CLEC20A: variants seen among roughly 807,000 people sequenced by gnomAD.
The protein encoded by CLEC20A is putative C-type lectin domain family 20 member A.
At chr1:178,489,164 A>C (rs927693652) in intron 4 of CLEC20A, among the ~76,000 whole-genome samples, 21 of 152,266 alleles carry the variant, frequency 1.4e-4, no homozygotes, top group African/African-American at 3.9e-4. Context: ...GGAGTTCAAG[A>C]CCAGCCTGGC....
upstream of CLEC20A, among the ~76,000 whole-genome samples, chr1:178,498,677 CT>C (rs934216546): frequency 6.6e-6 from 1 of 152,158 alleles, no homozygotes; most frequent in African/African-American, 2.4e-5. Flanking sequence ...AAACAGCTTG[CT>C]TGTGTTCTCT....
chr1:178,492,038 C>A (rs146013735), intron 3 of CLEC20A, among the ~76,000 whole-genome samples: 2 of 152,132 alleles, frequency 1.3e-5, no homozygotes, highest in Admixed American at 6.5e-5. Context: ...AATCCCAGCA[C>A]TTTGGGAGGC....
At chr1:178,481,486 T>C (rs1648984280) in intron 7 of CLEC20A, 1 of 152,234 alleles carries the variant, frequency 6.6e-6, no homozygotes, top group Non-Finnish European at 1.5e-5. Flanking sequence ...TATTATCTGA[T>C]ATAATTGAGA....
At chr1:178,495,683 A>AGAAG (rs1339615904) in intron 1 of CLEC20A, among the ~76,000 whole-genome samples, 1 of 152,202 alleles carries the variant, frequency 6.6e-6, no homozygotes, top group African/African-American at 2.4e-5. Context: ...AGGGAAGGAA[A>AGAAG]GAAGGAAGGA....
intron 5 of CLEC20A, among the ~76,000 whole-genome samples, chr1:178,488,207 G>T (rs1413673167): frequency 3.3e-5 from 5 of 152,168 alleles, no homozygotes; most frequent in African/African-American, 9.7e-5. Context: ...GAGACCGTAC[G>T]GCCTCTCCTG....
chr1:178,497,600 C>T (rs1649430438), upstream of CLEC20A, among the ~76,000 whole-genome samples: 2 of 152,224 alleles, frequency 1.3e-5, no homozygotes, highest in African/African-American at 4.8e-5. Context: ...ACACAGCTGC[C>T]CACACTTTGT....
At chr1:178,486,567 T>G (rs1478265947) in intron 5 of CLEC20A, 1 of 398,566 alleles carries the variant, frequency 2.5e-6, no homozygotes, top group African/African-American at 2.1e-5. Context: ...AGATGCTTTC[T>G]TTGGTCCCCA....
chr1:178,482,136 G>A (rs1439901825), intron 7 of CLEC20A, 176 bp downstream of exon 7: 8 of 388,154 alleles, frequency 2.1e-5, no homozygotes, highest in Admixed American at 1.8e-4. Flanking sequence ...GGTAAGAAAA[G>A]ATCCAAAAAG....
At chr1:178,488,712 C>G (rs1401625922) in intron 4 of CLEC20A, 113 bp from the exon 5 acceptor site, 1 of 397,256 alleles carries the variant, frequency 2.5e-6, no homozygotes, top group Admixed American at 4.4e-5. Context: ...TAGCCAAACT[C>G]AGGAGGGCGC....
chr1:178,487,013 A>G (rs1026037058), intron 5 of CLEC20A: 1 of 393,528 alleles, frequency 2.5e-6, no homozygotes, highest in Non-Finnish European at 4.5e-6. Context: ...CGCGCTGCTG[A>G]AGCCGGGCCC....
At chr1:178,486,927 C>T (rs903027277) in intron 5 of CLEC20A, 3 of 397,576 alleles carry the variant, frequency 7.5e-6, no homozygotes, top group Non-Finnish European at 1.3e-5. Context: ...CCGCTGGGCC[C>T]GCGGAGGCGG....
At chr1:178,482,477 T>C (rs554223135) in intron 6 of CLEC20A, 80 bp from the exon 7 acceptor site, 21 of 397,768 alleles carry the variant, frequency 5.3e-5, no homozygotes, top group Non-Finnish European at 8.9e-5. Context: ...GAGCACCCGG[T>C]GGACACCATA....
chr1:178,480,151 T>A (rs1648930422), intron 7 of CLEC20A: 1 of 152,146 alleles, frequency 6.6e-6, no homozygotes, highest in African/African-American at 2.4e-5. Flanking sequence ...GTAAGTTGGT[T>A]ACAGGTGTTT....
intron 5 of CLEC20A, among the ~76,000 whole-genome samples, chr1:178,487,850 A>G (rs1048885186): frequency 6.6e-6 from 1 of 152,250 alleles, no homozygotes; most frequent in Admixed American, 6.5e-5. Flanking sequence ...TGTGTGATAT[A>G]GGAATCTGTA....
rs61732327 is a variant in CLEC20A, at chr1:178,486,607, C to T, written c.928+1894G>A. 2,877 of 398,648 alleles carry T rather than the reference C, an allele frequency of 7.2e-3. 73 individuals are homozygous for T. Among genetic ancestry groups the T allele is most frequent in the African/African-American group, 0.053 (2,570 of 48,742 alleles). The allele number at this position is 398,648 out of a possible 1,614,324, so 24.7% of individuals were successfully genotyped here. A position where few individuals can be genotyped will look rare whatever the true frequency, so the allele number is the denominator to read the frequency against. ...GCTCCCTTGAGCCTGGGAGCCGAGG[C>T]CCCGGCTGGATGTGGCAGACCCAGG... On this transcript the variant is annotated intron_variant, in intron 5 of 7. Coordinates refer to ENST00000623247, the Ensembl canonical transcript of CLEC20A.
At chr1:178,497,906 C>T (rs1031479804), upstream of CLEC20A, among the ~76,000 whole-genome samples, 77 of 152,042 alleles carry the variant, frequency 5.1e-4, no homozygotes, top group African/African-American at 1.7e-3. Flanking sequence ...GGCTAGACCC[C>T]TTGGGTCCTC....
At chr1:178,498,252 C>T (rs1170175817), upstream of CLEC20A, among the ~76,000 whole-genome samples, 3 of 152,230 alleles carry the variant, frequency 2.0e-5, no homozygotes, top group Non-Finnish European at 4.4e-5. Flanking sequence ...TGCTTCCGCA[C>T]GGTCAGAGAC....
chr1:178,496,575 C>T, intron 1 of CLEC20A: 1 of 313,614 alleles, frequency 3.2e-6, no homozygotes. Context: ...TGATGTCCTT[C>T]CCTGCATTGC....
intron 5 of CLEC20A, among the ~76,000 whole-genome samples, chr1:178,488,203 G>C (rs943267437): frequency 6.6e-6 from 1 of 152,190 alleles, no homozygotes; most frequent in Admixed American, 6.5e-5. Context: ...CTGAGAGACC[G>C]TACGGCCTCT....
Sources: gnomAD v4.1 joint callset for allele counts (sites outside exome capture counted in the v4.1 genomes callset) on GRCh38, gnomAD v4.1.1 for gene constraint, MANE v1.5 for transcripts, NCBI Gene and HGNC (gene_info 2026-07-23, HGNC 2026-07-21) for gene names.